The following PSPH variants were observed in gnomAD, a reference collection of about 807,000 sequenced individuals.
PSPH encodes the protein L-3-phosphoserine phosphatase.
A neutral mutation model predicts 23.4 loss-of-function variants in PSPH; 16 were observed. That is an observed-to-expected ratio of 0.68 (90% confidence interval 0.46 to 1.04). The LOEUF (loss-of-function observed/expected upper bound fraction) is 1.04. PSPH is among the 50% of genes least tolerant of loss of function. PSPH has a pLI of 0.00. For missense variants in PSPH, 223 were observed against 273.7 expected (o/e 0.81, Z 1.31); for synonymous variants, 68 against 99.7 (o/e 0.68, Z 1.89).
At chr7:56,041,021 G>A (rs1435888264) in intron 1 of PSPH, among the ~76,000 whole-genome samples, 3 of 152,048 alleles carry the variant, frequency 2.0e-5, no homozygotes, top group Non-Finnish European at 2.9e-5. Context: ...CTCCTAGGGA[G>A]GGCGTGGGAA....
At chr7:56,044,609 A>G (rs986283085) in intron 1 of PSPH, among the ~76,000 whole-genome samples, 9 of 152,114 alleles carry the variant, frequency 5.9e-5, no homozygotes, top group Non-Finnish European at 1.0e-4. Flanking sequence ...GAAATCAGAT[A>G]ATAGGTCAAT....
chr7:56,039,416 C>A (rs1356376142), intron 1 of PSPH, among the ~76,000 whole-genome samples: 1 of 152,014 alleles, frequency 6.6e-6, no homozygotes, highest in African/African-American at 2.4e-5. Context: ...TATACGGATG[C>A]TTTTTATATC....
rs968180792 is a variant in PSPH at position 56,044,594 on chromosome 7, T to C, written c.-292+6544A>G. ...ATAATATTAAGAAAAACAATATTGC[T>C]GGCTGAAATCAGATAATAGGTCAAT... On this transcript the variant is annotated intron_variant, in intron 1 of 7. Transcript: ENST00000275605. Among the ~76,000 whole-genome samples the C allele has an allele frequency of 7.9e-5, 12 of 152,218 alleles. No individual in the cohort carries two copies. In the Middle Eastern group the frequency reaches 0.017, roughly 216 times the overall value.
Position 56,011,747 on chromosome 7 carries a change from G to A in PSPH, c.*15C>T. On this transcript the variant is annotated 3_prime_UTR_variant, in exon 8 of 8. Transcript: ENST00000275605. ...AATTCATCTGAAGTTGTTTGGAGCT[G>A]TACGACAATGGATGTTATTCTTCCA... 1.9e-6 allele frequency: 3 copies of A among 1,586,804 alleles called. No individual in the cohort carries two copies. The highest frequency in any genetic ancestry group is 1.7e-5 in the Admixed American group (1 of 59,956).
chr7:56,034,973 G>A (rs1246316528), intron 1 of PSPH, among the ~76,000 whole-genome samples: 1 of 152,074 alleles, frequency 6.6e-6, no homozygotes, highest in African/African-American at 2.4e-5. Flanking sequence ...CTGGGCTCAA[G>A]CGATCCTTCC....
At chr7:56,037,163 G>C (rs1791830597) in intron 1 of PSPH, among the ~76,000 whole-genome samples, 1 of 137,110 alleles carries the variant, frequency 7.3e-6, no homozygotes, top group Non-Finnish European at 1.5e-5. Context: ...GACAAAGCCA[G>C]ACTCTGTCTC....
intron 6 of PSPH, among the ~76,000 whole-genome samples, chr7:56,016,896 C>A (rs112806668): frequency 0.15 from 22,842 of 151,994 alleles, 1,934 homozygotes; most frequent in Non-Finnish European, 0.19. Flanking sequence ...CTTCTTGAGT[C>A]TAAATTGCTT....
chr7:56,015,743 C>T (rs975742832), intron 6 of PSPH, among the ~76,000 whole-genome samples: 1 of 151,866 alleles, frequency 6.6e-6, no homozygotes, highest in Non-Finnish European at 1.5e-5. Context: ...ACTGCAATAT[C>T]CGCCTCCCAG....
At chr7:56,016,209 A>C (rs1788531629) in intron 6 of PSPH, among the ~76,000 whole-genome samples, 1 of 151,222 alleles carries the variant, frequency 6.6e-6, no homozygotes, top group Non-Finnish European at 1.5e-5. Flanking sequence ...GACCAGCGTG[A>C]CCAACATGAT....
chr7:56,021,131 C>G lies in PSPH; in HGVS notation c.82G>C (p.Glu28Gln), dbSNP rs946829086. The change falls in exon 4 of 8, where the codon GAA (glutamate) becomes CAA (glutamine). Residue 28 changes from glutamate (E) to glutamine (Q), a missense_variant. Coordinates refer to ENST00000275605, the MANE Select transcript of PSPH (RefSeq NM_004577.4). ...CFDVDSTVIR[E>Q]EGIDELAKIC... ...TTGGCTAGCTCATCGATTCCTTCTT[C>G]TCTGATGACCGTGCTGTCAACATCA... The G allele has an allele frequency of 1.2e-6, 2 of 1,614,142 alleles. No homozygotes were observed. The highest frequency in any genetic ancestry group is 2.7e-5 in the African/African-American group (2 of 74,966).
intron 3 of PSPH, among the ~76,000 whole-genome samples, chr7:56,024,890 G>A (rs555671189): frequency 3.7e-4 from 52 of 140,998 alleles, no homozygotes; most frequent in South Asian, 2.4e-3. Context: ...TGCAACCTCT[G>A]CCTCCCAGGT....
intron 3 of PSPH, among the ~76,000 whole-genome samples, chr7:56,025,802 C>T (rs1016557897): frequency 3.3e-5 from 5 of 152,172 alleles, no homozygotes; most frequent in Non-Finnish European, 7.3e-5. Flanking sequence ...CCATGTTGCC[C>T]AGGCTGGTCT....
intron 1 of PSPH, among the ~76,000 whole-genome samples, chr7:56,037,019 C>G (rs1791815705): frequency 6.6e-6 from 1 of 151,934 alleles, no homozygotes; most frequent in East Asian, 1.9e-4. Context: ...ACTAAAAATA[C>G]AAAAAGTAGC....
At chr7:56,013,359 C>T (rs1788187560) in intron 7 of PSPH, among the ~76,000 whole-genome samples, 1 of 151,320 alleles carries the variant, frequency 6.6e-6, no homozygotes, top group Admixed American at 6.6e-5. Flanking sequence ...CTCTACAAAA[C>T]ATAAACAAAA....
At chr7:56,045,886 CAAAAAAAAAAAAAAAAAAGAA>C (rs1793168148) in intron 1 of PSPH, among the ~76,000 whole-genome samples, 1 of 108,254 alleles carries the variant, frequency 9.2e-6, no homozygotes, top group Admixed American at 9.6e-5. Flanking sequence ...GACTTTGTCT[CAAAAAAAAAAAAAAAAAAGAA>C]AGAAACAAGT....
chr7:56,031,804 ACT>A (rs879114851), intron 3 of PSPH, 123 bp downstream of exon 3: 2 of 153,298 alleles, frequency 1.3e-5, no homozygotes, highest in African/African-American at 2.4e-5. Context: ...ACAAAGCAAG[ACT>A]CTGTCTCAAA....
chr7:56,013,624 A>C (rs1036915129), intron 7 of PSPH, among the ~76,000 whole-genome samples: 1 of 152,072 alleles, frequency 6.6e-6, no homozygotes, highest in Admixed American at 6.6e-5. Flanking sequence ...CCAGCTACCA[A>C]GGAGGCTGAG....
chr7:56,018,900 G>C (rs991558426), intron 5 of PSPH, among the ~76,000 whole-genome samples: 7 of 152,026 alleles, frequency 4.6e-5, no homozygotes, highest in African/African-American at 1.4e-4. Flanking sequence ...AGCCCAGAAG[G>C]CTGATGCTGC....
intron 1 of PSPH, among the ~76,000 whole-genome samples, chr7:56,047,201 T>C (rs1288480556): frequency 1.3e-5 from 2 of 150,266 alleles, no homozygotes; most frequent in African/African-American, 4.9e-5. Context: ...CCAGACAACA[T>C]AGCATGACCT....
Sources: allele counts gnomAD v4.1 joint callset (sites outside exome capture counted in the v4.1 genomes callset), GRCh38; gene constraint gnomAD v4.1.1; transcripts MANE v1.5; gene names NCBI Gene and HGNC (gene_info 2026-07-23, HGNC 2026-07-21).